TMEM131: variants seen among roughly 807,000 people sequenced by gnomAD.
The protein encoded by TMEM131 is transmembrane protein 131.
Under a neutral mutation model 211.6 loss-of-function variants are expected in TMEM131, and 66 were observed. The ratio of observed to expected loss-of-function variants is 0.31; its 90% confidence interval spans 0.26 to 0.38. TMEM131 has a LOEUF of 0.38. Ranked by LOEUF, TMEM131 falls within the 10% of genes least tolerant of loss-of-function variation. The probability of loss-of-function intolerance (pLI) is 1.00; values close to 1 mark genes in which losing one functional copy is unlikely to be tolerated. For missense variants in TMEM131, 2,036 were observed against 2,299.3 expected (o/e 0.89, Z 2.34); for synonymous variants, 844 against 841.3 (o/e 1.00, Z -0.06).
At chr2:97,908,449 G>A (rs1676160610) in intron 3 of TMEM131, among the ~76,000 whole-genome samples, 2 of 152,156 alleles carry the variant, frequency 1.3e-5, no homozygotes, top group African/African-American at 4.8e-5. Context: ...GTACACGACA[G>A]GGGAGGCATG....
chr2:97,814,216 T>C lies in TMEM131; in HGVS notation c.1446+19A>G, dbSNP rs375154792. 3.1e-6 allele frequency: 5 copies of C among 1,611,206 alleles called. No homozygotes were observed. The African/African-American group carries it at 5.3e-5, about 17-fold the overall frequency. Reference sequence around the variant, plus strand: ...TGGTAGACCAGGAAAATTAAAAGTATGAGGGCTCCTGGACATACTTTAAAC... The same window carrying C: ...TGGTAGACCAGGAAAATTAAAAGTACGAGGGCTCCTGGACATACTTTAAAC... On this transcript the variant is annotated intron_variant, in intron 14 of 40. Transcript: ENST00000186436.
At chr2:97,778,812 A>G (rs1679852041) in intron 31 of TMEM131, among the ~76,000 whole-genome samples, 1 of 152,116 alleles carries the variant, frequency 6.6e-6, no homozygotes, top group Non-Finnish European at 1.5e-5. Context: ...TTCTTCTGAC[A>G]ACTTCTTTGC....
intron 8 of TMEM131, among the ~76,000 whole-genome samples, chr2:97,836,792 A>G (rs866866258): frequency 2.0e-5 from 3 of 152,250 alleles, no homozygotes; most frequent in South Asian, 2.1e-4. Flanking sequence ...ACTCAGAGAC[A>G]ACTTTACCCA....
intron 31 of TMEM131, among the ~76,000 whole-genome samples, chr2:97,778,859 C>T (rs1171571342): frequency 1.3e-5 from 2 of 152,096 alleles, no homozygotes; most frequent in African/African-American, 2.4e-5. Context: ...AGAGATCTGC[C>T]CTTGGAGCTT....
rs115047550 is a variant in TMEM131 at position 97,970,007 on chromosome 2, T to C, written c.187+25469A>G. On this transcript the variant is annotated intron_variant, in intron 1 of 40. Coordinates refer to ENST00000186436, the MANE Select transcript of TMEM131 (RefSeq NM_015348.2). ...ACATTCCATTCCATTCCATTCTCCTTGTTGATGAAGAATGACTGTTATAGT... is the reference window on the plus strand; with the variant it reads ...ACATTCCATTCCATTCCATTCTCCTCGTTGATGAAGAATGACTGTTATAGT... Among the ~76,000 whole-genome samples, 180 of 152,176 alleles carry C rather than the reference T, an allele frequency of 1.2e-3. 3 individuals carry two copies. Among genetic ancestry groups the C allele is most frequent in the African/African-American group, 4.1e-3 (171 of 41,502 alleles).
intron 2 of TMEM131, among the ~76,000 whole-genome samples, chr2:97,920,376 A>G (rs138681839): frequency 2.0e-4 from 30 of 152,324 alleles, no homozygotes; most frequent in African/African-American, 6.5e-4. Flanking sequence ...TGAGATGAGG[A>G]AAGTGTCAAA....
chr2:97,835,740 C>G (rs1682908857), intron 8 of TMEM131, among the ~76,000 whole-genome samples: 2 of 152,164 alleles, frequency 1.3e-5, no homozygotes, highest in African/African-American at 4.8e-5. Flanking sequence ...ATGGACCATC[C>G]ACTCCCCAGC....
chr2:97,794,510 G>T (rs1218115130), intron 29 of TMEM131, among the ~76,000 whole-genome samples: 2 of 152,284 alleles, frequency 1.3e-5, no homozygotes, highest in South Asian at 4.1e-4. Flanking sequence ...ATGTAAATTA[G>T]TTTAGAGGTG....
intron 1 of TMEM131, among the ~76,000 whole-genome samples, chr2:97,940,016 CAT>C (rs1160601256): frequency 2.0e-5 from 3 of 152,124 alleles, no homozygotes; most frequent in Admixed American, 6.5e-5. Context: ...ATTGATGGGA[CAT>C]ATCTCAAAAT....
chr2:97,888,148 A>G (rs763486883), intron 3 of TMEM131, 28 bp from the exon 4 acceptor site: 1 of 1,579,382 alleles, frequency 6.3e-7, no homozygotes, highest in South Asian at 1.1e-5. Context: ...ACAACATAAG[A>G]AGCAATTCTT....
intron 4 of TMEM131, among the ~76,000 whole-genome samples, chr2:97,873,248 G>C (rs1177201678): frequency 6.6e-6 from 1 of 152,256 alleles, no homozygotes; most frequent in African/African-American, 2.4e-5. Flanking sequence ...AGCAGCCCCA[G>C]TCAGGGACTT....
chr2:97,935,849 C>T (rs1189978533), intron 1 of TMEM131, among the ~76,000 whole-genome samples: 1 of 152,180 alleles, frequency 6.6e-6, no homozygotes, highest in Non-Finnish European at 1.5e-5. Flanking sequence ...TTTTAAAAAG[C>T]TGAATCTCAA....
At chr2:97,839,925 T>C (rs1287907221) in intron 7 of TMEM131, among the ~76,000 whole-genome samples, 1 of 152,230 alleles carries the variant, frequency 6.6e-6, no homozygotes, top group Non-Finnish European at 1.5e-5. Flanking sequence ...ACGTTTTTGC[T>C]TCATTCATGT....
intron 1 of TMEM131, among the ~76,000 whole-genome samples, chr2:97,969,213 T>C (rs138044492): frequency 6.6e-6 from 1 of 152,336 alleles, no homozygotes; most frequent in East Asian, 1.9e-4. Context: ...AAGCCTTTTA[T>C]CTTCAATTGT....
At chr2:97,862,861 A>T (rs556775753) in intron 4 of TMEM131, among the ~76,000 whole-genome samples, 1 of 152,318 alleles carries the variant, frequency 6.6e-6, no homozygotes, top group South Asian at 2.1e-4. Context: ...CTGGAGAAAG[A>T]TATTAATATT....
intron 3 of TMEM131, among the ~76,000 whole-genome samples, chr2:97,892,867 T>TA (rs1207605415): frequency 3.9e-5 from 6 of 152,176 alleles, no homozygotes; most frequent in Admixed American, 3.9e-4. Flanking sequence ...TCTCTGTAAA[T>TA]ATCCAGTAGG....
chr2:97,805,881 A>G (rs1022699398), intron 19 of TMEM131, among the ~76,000 whole-genome samples, 178 bp from the exon 20 acceptor site: 1 of 152,182 alleles, frequency 6.6e-6, no homozygotes, highest in African/African-American at 2.4e-5. Context: ...TCACCAAAAA[A>G]CTTTTTTTTC....
intron 19 of TMEM131, among the ~76,000 whole-genome samples, chr2:97,807,523 C>T (rs569997742): frequency 1.3e-5 from 2 of 152,292 alleles, no homozygotes; most frequent in Non-Finnish European, 2.9e-5. Context: ...AGCCTAAGGC[C>T]CTCACCAATG....
chr2:97,961,588 A>G (rs1447322296), intron 1 of TMEM131, among the ~76,000 whole-genome samples: 1 of 152,208 alleles, frequency 6.6e-6, no homozygotes, highest in African/African-American at 2.4e-5. Context: ...AGTAACTAAA[A>G]CAGCCAAAGC....
Sources: gnomAD v4.1 joint callset for allele counts (sites outside exome capture counted in the v4.1 genomes callset) on GRCh38, gnomAD v4.1.1 for gene constraint, MANE v1.5 for transcripts, NCBI Gene and HGNC (gene_info 2026-07-23, HGNC 2026-07-21) for gene names.